CYFIP2: variants seen among roughly 807,000 people sequenced by gnomAD.
CYFIP2 encodes cytoplasmic FMR1-interacting protein 2.
In CYFIP2, 29 loss-of-function variants were observed where a neutral mutation model predicts 158.7. That is an observed-to-expected ratio of 0.18 (90% CI 0.14 to 0.25). The LOEUF (loss-of-function observed/expected upper bound fraction) is 0.25. Among genes scored for constraint, CYFIP2 ranks in the 10% least tolerant of loss-of-function variants. The pLI is 1.00. For synonymous variants in CYFIP2, 585 were observed against 617.6 expected (o/e 0.95, Z 0.78); for missense variants, 852 against 1,639.5 (o/e 0.52, Z 8.29).
chr5:157,377,108 CTGCT>C (rs1765559935), intron 26 of CYFIP2, among the ~76,000 whole-genome samples: 1 of 151,636 alleles, frequency 6.6e-6, no homozygotes, highest in Admixed American at 6.6e-5. Flanking sequence ...CTGCTTTCTC[CTGCT>C]TGGACTCTTC....
intron 6 of CYFIP2, among the ~76,000 whole-genome samples, chr5:157,302,367 G>T (rs893681823): frequency 2.6e-5 from 4 of 152,134 alleles, no homozygotes; most frequent in Non-Finnish European, 5.9e-5. Context: ...AAGTTTTCCT[G>T]TAAATAACAG....
rs376982797 is a variant in CYFIP2, at chr5:157,311,754, C to T, written c.1083C>T (p.Ser361=). Residue 361 remains serine, a synonymous_variant, in exon 11 of 31, where the codon TCC becomes TCT. Coordinates refer to ENST00000620254, the MANE Select transcript of CYFIP2 (RefSeq NM_001037333.3). This position sits in a 1 kb window ranked among gnomAD's most constrained non-coding sequence, Gnocchi z 4.7. ...QIRDDHIRFI[S]ELARYSNSEV... ...GGGATGACCACATCCGCTTCATCTC[C>T]GAGCTCGCTCGCTACAGCAACAGTG... is the stretch of plus-strand genomic sequence containing the variant. 22 of 1,601,098 alleles carry T rather than the reference C, an allele frequency of 1.4e-5. No individual in the cohort carries two copies. The highest frequency in any genetic ancestry group is 3.5e-5 in the Admixed American group (2 of 57,930).
chr5:157,302,227 G>T (rs567218926), intron 6 of CYFIP2, among the ~76,000 whole-genome samples: 18 of 152,294 alleles, frequency 1.2e-4, no homozygotes, highest in African/African-American at 4.1e-4. Flanking sequence ...AGGCTGGGAA[G>T]TCAGGCAGCC....
At chr5:157,381,076 T>C (rs1390245615) in intron 26 of CYFIP2, among the ~76,000 whole-genome samples, 1 of 152,016 alleles carries the variant, frequency 6.6e-6, no homozygotes, top group Non-Finnish European at 1.5e-5. Context: ...TTAGCCAGGT[T>C]CAAACATAGA....
chr5:157,371,036 C>A (rs1260977592), intron 26 of CYFIP2, among the ~76,000 whole-genome samples: 1 of 152,176 alleles, frequency 6.6e-6, no homozygotes, highest in Non-Finnish European at 1.5e-5. Flanking sequence ...GAGACAGCGT[C>A]TCTCGGTTGG....
At position 157,266,409 on chromosome 5, in the gene CYFIP2, C is replaced by T. The variant is rs1329469993; in HGVS notation, c.-24+214C>T. 1 of 151,942 alleles carries T rather than the reference C, an allele frequency of 6.6e-6. No homozygotes were observed. Among genetic ancestry groups the T allele is most frequent in the African/African-American group, 2.4e-5 (1 of 41,420 alleles). 9.4% of individuals were successfully genotyped at this position (151,942 alleles called of 1,614,324 possible). ...CCGTGCGTCCCGCGGCACGGACCCT[C>T]TGCCCGGGAGGCGCGGGCACATCGC... On this transcript the variant is annotated intron_variant, in intron 1 of 30. Transcript: ENST00000620254. The surrounding 1 kb of genome is among the most constrained non-coding windows in gnomAD (Gnocchi z 4.2).
chr5:157,378,722 C>T (rs941040031), intron 26 of CYFIP2, among the ~76,000 whole-genome samples: 2 of 152,160 alleles, frequency 1.3e-5, no homozygotes, highest in African/African-American at 4.8e-5. Context: ...AGCCCTATCT[C>T]ACAGGGCTGT....
intron 26 of CYFIP2, among the ~76,000 whole-genome samples, chr5:157,381,578 A>G (rs1766096976): frequency 6.6e-6 from 1 of 151,320 alleles, no homozygotes; most frequent in Non-Finnish European, 1.5e-5. Flanking sequence ...CCTCTGGATA[A>G]GAAACTGAGA....
At chr5:157,330,561 T>C (rs1380617074) in intron 19 of CYFIP2, among the ~76,000 whole-genome samples, 181 bp from the exon 20 acceptor site, 1 of 152,168 alleles carries the variant, frequency 6.6e-6, no homozygotes, top group Admixed American at 6.5e-5. Context: ...TTTCACATAT[T>C]GAGCTTCTGT....
At chr5:157,389,564 T>TGA in intron 29 of CYFIP2, 137 bp downstream of exon 29, 3 of 738,906 alleles carry the variant, frequency 4.1e-6, no homozygotes, top group Non-Finnish European at 4.3e-6. Flanking sequence ...TTGAGTGTGT[T>TGA]GAGCTGACTG....
chr5:157,368,858 C>T (rs896023523), intron 26 of CYFIP2, among the ~76,000 whole-genome samples: 4 of 151,972 alleles, frequency 2.6e-5, no homozygotes, highest in Middle Eastern at 3.4e-3. Context: ...CCTCCAAGCC[C>T]TCCAGTGGTG....
At chr5:157,327,346 C>T (rs1761103767) in intron 18 of CYFIP2, among the ~76,000 whole-genome samples, 2 of 152,118 alleles carry the variant, frequency 1.3e-5, no homozygotes, top group African/African-American at 4.8e-5. Flanking sequence ...GGGTGGATCA[C>T]CTGAGGTCAG....
At chr5:157,295,266 G>A (rs1336964276) in intron 4 of CYFIP2, among the ~76,000 whole-genome samples, 1 of 152,042 alleles carries the variant, frequency 6.6e-6, no homozygotes, top group African/African-American at 2.4e-5. Context: ...ATATTATTTT[G>A]TAAATTATTA....
At chr5:157,287,251 T>C (rs1757465853) in intron 3 of CYFIP2, 143 bp downstream of exon 3, 1 of 621,452 alleles carries the variant, frequency 1.6e-6, no homozygotes, top group Non-Finnish European at 2.9e-6. Context: ...AAGCCCACTC[T>C]TACATTCTGC....
intron 26 of CYFIP2, among the ~76,000 whole-genome samples, chr5:157,367,320 A>T (rs111655782): frequency 6.6e-6 from 1 of 152,220 alleles, no homozygotes; most frequent in Non-Finnish European, 1.5e-5. Context: ...TCATTGTGGC[A>T]ACCAATAATG....
Position 157,311,749 on chromosome 5 carries a change from A to G in CYFIP2, c.1078A>G (p.Ile360Val), listed in dbSNP as rs760060931. 6.2e-7 allele frequency: 1 copy of G among 1,605,390 alleles called. No individual in the cohort carries two copies. Among genetic ancestry groups the G allele is most frequent in the Non-Finnish European group, 8.5e-7 (1 of 1,176,062 alleles). ...VQIRDDHIRF[I>V]SELARYSNSE... Reference sequence around the variant, plus strand: ...GATCCGGGATGACCACATCCGCTTCATCTCCGAGCTCGCTCGCTACAGCAA... The same window carrying G: ...GATCCGGGATGACCACATCCGCTTCGTCTCCGAGCTCGCTCGCTACAGCAA... Residue 360 changes from isoleucine (I) to valine (V), a missense_variant, in exon 11 of 31, where the codon ATC (isoleucine) becomes GTC (valine). Transcript: ENST00000620254. The surrounding 1 kb of genome is among the most constrained non-coding windows in gnomAD (Gnocchi z 4.7).
Position 157,266,414 on chromosome 5 carries a change from C to G in CYFIP2, c.-24+219C>G, listed in dbSNP as rs1035709964. 1.3e-5 allele frequency: 2 copies of G among 151,844 alleles called. No individual in the cohort carries two copies. Among genetic ancestry groups the G allele is most frequent in the Non-Finnish European group, 2.9e-5 (2 of 67,972 alleles). The allele number at this position is 151,844 out of a possible 1,614,324, so 9.4% of individuals were successfully genotyped here. On this transcript the variant is annotated intron_variant, in intron 1 of 30. Transcript: ENST00000620254. This position sits in a 1 kb window ranked among gnomAD's most constrained non-coding sequence, Gnocchi z 4.2. Reference sequence around the variant, plus strand: ...CGTCCCGCGGCACGGACCCTCTGCCCGGGAGGCGCGGGCACATCGCGGAGC... The same window carrying G: ...CGTCCCGCGGCACGGACCCTCTGCCGGGGAGGCGCGGGCACATCGCGGAGC...
At chr5:157,392,519 C>G (rs137885452) in intron 30 of CYFIP2, among the ~76,000 whole-genome samples, 2,801 of 152,290 alleles carry the variant, frequency 0.018, 77 homozygotes, top group African/African-American at 0.063. Context: ...TGTTGAAAAT[C>G]ATTTGATCAT....
rs1044857800 is a variant in CYFIP2, at chr5:157,393,148, G to C, written c.*148G>C. ...CCCAAACACATCACCACTCCCTAGG[G>C]CGGGGCCTGTGCATGCTCTCCCATG... On this transcript the variant is annotated 3_prime_UTR_variant, in exon 31 of 31. Transcript: ENST00000620254. The C allele has an allele frequency of 5.0e-6, 4 of 804,246 alleles. No individual in the cohort carries two copies. The South Asian group carries it at 7.9e-5, about 16-fold the overall frequency. 49.8% of individuals were successfully genotyped at this position (804,246 alleles called of 1,614,324 possible). A position where few individuals can be genotyped will look rare whatever the true frequency, so the allele number is the denominator to read the frequency against.
Sources: allele counts gnomAD v4.1 joint callset (sites outside exome capture counted in the v4.1 genomes callset), GRCh38; gene constraint gnomAD v4.1.1; non-coding constraint Gnocchi (gnomAD v3.1); transcripts MANE v1.5; gene names NCBI Gene and HGNC (gene_info 2026-07-23, HGNC 2026-07-21).